The following DLG2 variants were observed in gnomAD, a reference collection of about 807,000 sequenced individuals.
The protein encoded by DLG2 is disks large homolog 2.
In DLG2, 45 loss-of-function variants were observed where a neutral mutation model predicts 132.5. That is an observed-to-expected ratio of 0.34 (90% CI 0.27 to 0.44). The LOEUF (loss-of-function observed/expected upper bound fraction) is 0.44. Ranked by LOEUF, DLG2 falls within the 20% of genes least tolerant of loss-of-function variation. The pLI, the probability that DLG2 is intolerant of heterozygous loss-of-function variation, is 1.00. For synonymous variants in DLG2, 424 were observed against 419.6 expected, an observed-to-expected ratio of 1.01 and a Z score of -0.13; for missense variants, 1,045 against 1,196.9, an observed-to-expected ratio of 0.87 and a Z score of 1.87.
At chr11:84,779,116 C>T (rs941192161) in intron 6 of DLG2, among the ~76,000 whole-genome samples, 2 of 151,972 alleles carry the variant, frequency 1.3e-5, no homozygotes, top group Non-Finnish European at 2.9e-5. Flanking sequence ...TTGCAGATGG[C>T]CTACTGTGGG....
chr11:84,852,115 A>C (rs1156450256), intron 6 of DLG2, among the ~76,000 whole-genome samples: 1 of 152,060 alleles, frequency 6.6e-6, no homozygotes, highest in Non-Finnish European at 1.5e-5. Flanking sequence ...GCCTACCTGC[A>C]GGAAATCTGC....
chr11:84,897,034 A>G (rs2090290310), intron 6 of DLG2, among the ~76,000 whole-genome samples: 1 of 151,904 alleles, frequency 6.6e-6, no homozygotes, highest in Non-Finnish European at 1.5e-5. Context: ...AAATGTATTA[A>G]TACAGCTGAC....
At chr11:84,201,122 C>T (rs2096586667) in intron 8 of DLG2, among the ~76,000 whole-genome samples, 1 of 152,114 alleles carries the variant, frequency 6.6e-6, no homozygotes, top group South Asian at 2.1e-4. Flanking sequence ...TATGTTCCTT[C>T]AATACCCAGT....
intron 7 of DLG2, among the ~76,000 whole-genome samples, chr11:84,473,545 T>C (rs2099114047): frequency 6.6e-6 from 1 of 152,030 alleles, no homozygotes; most frequent in Non-Finnish European, 1.5e-5. Context: ...ATGCCATCAC[T>C]CTTACTTGGT....
chr11:84,007,788 T>C (rs2154057955), intron 11 of DLG2, among the ~76,000 whole-genome samples: 1 of 151,850 alleles, frequency 6.6e-6, no homozygotes, highest in South Asian at 2.1e-4. Flanking sequence ...TAATATGTTG[T>C]TTAGCTTCTC....
At chr11:83,874,102 G>A (rs1306309897) in intron 16 of DLG2, among the ~76,000 whole-genome samples, 2 of 151,898 alleles carry the variant, frequency 1.3e-5, no homozygotes, top group African/African-American at 4.8e-5. Context: ...GAGAGAGAGT[G>A]TGTGCGTGTG....
intron 19 of DLG2, among the ~76,000 whole-genome samples, chr11:83,553,701 G>A (rs2096451188): frequency 6.6e-6 from 1 of 152,024 alleles, no homozygotes; most frequent in South Asian, 2.1e-4. Flanking sequence ...CTTTCACCCA[G>A]TAAGGTTCTG....
intron 3 of DLG2, among the ~76,000 whole-genome samples, chr11:85,324,119 C>A (rs376984966): frequency 6.6e-6 from 1 of 152,128 alleles, no homozygotes; most frequent in East Asian, 1.9e-4. Context: ...GGGGGTCACA[C>A]AGTCTGAAAT....
chr11:85,111,866 T>C (rs1470167376), intron 5 of DLG2, 131 bp from the exon 6 acceptor site: 17 of 619,304 alleles, frequency 2.7e-5, no homozygotes, highest in Non-Finnish European at 4.4e-5. Flanking sequence ...GCTTTGTTGG[T>C]GCAATGCTGC....
chr11:85,152,593 T>G (rs1377607971), intron 5 of DLG2, among the ~76,000 whole-genome samples: 1 of 152,176 alleles, frequency 6.6e-6, no homozygotes, highest in Non-Finnish European at 1.5e-5. Flanking sequence ...CTCCACAAAT[T>G]ATTAATATCT....
At chr11:83,691,013 T>C (rs1465257582) in intron 18 of DLG2, among the ~76,000 whole-genome samples, 2 of 152,136 alleles carry the variant, frequency 1.3e-5, no homozygotes, top group Admixed American at 6.5e-5. Context: ...ATCTGGCCCT[T>C]GACAAAACAA....
intron 6 of DLG2, among the ~76,000 whole-genome samples, chr11:84,989,950 G>A (rs1287979477): frequency 6.6e-6 from 1 of 152,044 alleles, no homozygotes; most frequent in Non-Finnish European, 1.5e-5. Context: ...CCTAGCATTA[G>A]GCAAAAAATT....
intron 6 of DLG2, among the ~76,000 whole-genome samples, chr11:84,756,885 C>T (rs550695929): frequency 6.6e-6 from 1 of 152,188 alleles, no homozygotes; most frequent in Non-Finnish European, 1.5e-5. Context: ...TGGTTAATTT[C>T]CCCTAAACTG....
At chr11:84,078,518 G>A (rs1326768099) in intron 10 of DLG2, among the ~76,000 whole-genome samples, 2 of 152,012 alleles carry the variant, frequency 1.3e-5, no homozygotes, top group African/African-American at 2.4e-5. Flanking sequence ...AATTTAGGAC[G>A]GTTAAGACAT....
At chr11:84,028,555 A>G (rs1192040184) in intron 11 of DLG2, among the ~76,000 whole-genome samples, 1 of 152,134 alleles carries the variant, frequency 6.6e-6, no homozygotes, top group Non-Finnish European at 1.5e-5. Context: ...GCAAACACAC[A>G]TGATAAAAAG....
At chr11:83,994,959 G>T (rs1434964293) in intron 11 of DLG2, among the ~76,000 whole-genome samples, 2 of 150,684 alleles carry the variant, frequency 1.3e-5, no homozygotes, top group Non-Finnish European at 2.9e-5. Flanking sequence ...CTCCCTATGT[G>T]CATGTCTGTT....
intron 18 of DLG2, among the ~76,000 whole-genome samples, chr11:83,657,287 T>C (rs1040783304): frequency 6.6e-6 from 1 of 152,034 alleles, no homozygotes; most frequent in African/African-American, 2.4e-5. Flanking sequence ...AGGAGTGAGG[T>C]GAAAAATCAC....
chr11:83,819,183 A>G (rs184616893), intron 17 of DLG2, among the ~76,000 whole-genome samples: 4 of 152,232 alleles, frequency 2.6e-5, no homozygotes, highest in Admixed American at 1.3e-4. Flanking sequence ...TGAAAGAAAA[A>G]TGTAGGCCAG....
At chr11:84,894,875 C>T (rs2089973584) in intron 6 of DLG2, among the ~76,000 whole-genome samples, 1 of 145,564 alleles carries the variant, frequency 6.9e-6, no homozygotes, top group Non-Finnish European at 1.5e-5. Flanking sequence ...CCACAGCACA[C>T]CTGCTGAGAC....
Sources: allele counts gnomAD v4.1 joint callset (sites outside exome capture counted in the v4.1 genomes callset), GRCh38; gene constraint gnomAD v4.1.1; transcripts MANE v1.5; gene names NCBI Gene and HGNC (gene_info 2026-07-23, HGNC 2026-07-21).